BTG4: variants seen among roughly 807,000 people sequenced by gnomAD.
The protein encoded by BTG4 is BTG anti-proliferation factor 4.
Under a neutral mutation model 19.3 loss-of-function variants are expected in BTG4, and 10 were observed. The ratio of observed to expected loss-of-function variants is 0.52; its 90% CI spans 0.32 to 0.88. The LOEUF (loss-of-function observed/expected upper bound fraction) is 0.88, where lower values mean the gene tolerates loss of function less well. Ranked by LOEUF, BTG4 falls within the 40% of genes least tolerant of loss-of-function variation. The probability of loss-of-function intolerance (pLI) is 0.04; values close to 1 mark genes in which losing one functional copy is unlikely to be tolerated. For synonymous variants in BTG4, 91 were observed against 95.7 expected (o/e 0.95, Z 0.29); for missense variants, 238 against 281.9 (o/e 0.84, Z 1.11).
the BTG4 span, among the ~76,000 whole-genome samples, chr11:111,387,807 A>T: frequency 1.3e-5 from 2 of 152,154 alleles, no homozygotes; most frequent in South Asian, 4.1e-4. Context: ...TTGGGGGAAA[A>T]ATAGTCTTTG....
chr11:111,407,173 A>C, the BTG4 span, among the ~76,000 whole-genome samples: 2 of 148,460 alleles, frequency 1.3e-5, no homozygotes, highest in African/African-American at 4.9e-5. Context: ...CTATAATACT[A>C]TGTAGTATAT....
At chr11:111,400,414 C>T in the BTG4 span, among the ~76,000 whole-genome samples, 1 of 152,226 alleles carries the variant, frequency 6.6e-6, no homozygotes, top group Admixed American at 6.5e-5. Flanking sequence ...CATCTCTCTC[C>T]TTCCCTCCCT....
chr11:111,460,016 C>A, the BTG4 span, among the ~76,000 whole-genome samples: 2 of 152,168 alleles, frequency 1.3e-5, no homozygotes, highest in Admixed American at 1.3e-4. Context: ...CTTTCAAAGA[C>A]CAGCACTTCA....
the BTG4 span, among the ~76,000 whole-genome samples, chr11:111,412,748 G>A: frequency 6.6e-6 from 1 of 152,132 alleles, no homozygotes; most frequent in Non-Finnish European, 1.5e-5. Context: ...CTAGCAAATA[G>A]CAACACCTAC....
the BTG4 span, among the ~76,000 whole-genome samples, chr11:111,439,669 A>C: frequency 4.0e-5 from 6 of 151,504 alleles, no homozygotes; most frequent in Non-Finnish European, 7.4e-5. Context: ...GTTTCTGCAC[A>C]CTTTGCCTCA....
At chr11:111,447,686 T>A in the BTG4 span, among the ~76,000 whole-genome samples, 1 of 152,124 alleles carries the variant, frequency 6.6e-6, no homozygotes, top group Non-Finnish European at 1.5e-5. Context: ...AGAGGAAGGT[T>A]CCCGGAAGAC....
At chr11:111,451,381 G>A in the BTG4 span, 20 of 452,666 alleles carry the variant, frequency 4.4e-5, no homozygotes, top group East Asian at 7.0e-5. Flanking sequence ...TATGTCTTTC[G>A]TCTGAGCAGC....
At chr11:111,398,396 C>G in the BTG4 span, among the ~76,000 whole-genome samples, 1 of 152,196 alleles carries the variant, frequency 6.6e-6, no homozygotes, top group East Asian at 1.9e-4. Context: ...GATTGCTAGG[C>G]CTCACCTCCA....
At chr11:111,459,059 T>C in the BTG4 span, among the ~76,000 whole-genome samples, 2 of 152,104 alleles carry the variant, frequency 1.3e-5, no homozygotes, top group African/African-American at 2.4e-5. Context: ...TTGATCAATA[T>C]GGTGAAACCC....
chr11:111,491,734 CA>C (rs5794751), downstream of BTG4, among the ~76,000 whole-genome samples: 127 of 99,900 alleles, frequency 1.3e-3, no homozygotes, highest in Middle Eastern at 5.0e-3. Context: ...GACCTGATCT[CA>C]AAAAAAAAAA....
At chr11:111,467,544 T>G (rs1863793198) in exon 6 of BTG4, 9 of 622,598 alleles carry the variant, frequency 1.4e-5, no homozygotes. Context: ...GTTTTGTTTT[T>G]TATTCTTTTC....
chr11:111,485,589 G>A (rs1473893196), intron 5 of BTG4, among the ~76,000 whole-genome samples: 4 of 152,116 alleles, frequency 2.6e-5, no homozygotes, highest in African/African-American at 9.7e-5. Flanking sequence ...ATGGAATACA[G>A]CAAAAGCAGT....
the BTG4 span, among the ~76,000 whole-genome samples, chr11:111,394,802 G>A: frequency 7.2e-4 from 109 of 152,284 alleles, no homozygotes; most frequent in African/African-American, 2.5e-3. Context: ...ATCATCATCT[G>A]GTGATAAAAA....
chr11:111,489,815 T>C (rs1029157109), downstream of BTG4, among the ~76,000 whole-genome samples: 1 of 151,160 alleles, frequency 6.6e-6, no homozygotes, highest in Admixed American at 6.6e-5. Context: ...CCCATGGAAA[T>C]AGAGTAGAAT....
intron 5 of BTG4, chr11:111,469,247 G>C (rs1863910736): frequency 6.6e-6 from 1 of 152,280 alleles, no homozygotes; most frequent in Non-Finnish European, 1.5e-5. Context: ...GCCTCTGTGG[G>C]AAGCTTTGTT....
the BTG4 span, among the ~76,000 whole-genome samples, chr11:111,392,370 G>C: frequency 6.6e-6 from 1 of 151,728 alleles, no homozygotes; most frequent in Non-Finnish European, 1.5e-5. Flanking sequence ...GTAGAGATGG[G>C]GTTTCACCGT....
chr11:111,495,205 T>G lies in BTG4; in HGVS notation c.620A>C (p.Lys207Thr). 6.2e-7 allele frequency: 1 copy of G among 1,612,404 alleles called. No individual in the cohort carries two copies. Among genetic ancestry groups the G allele is most frequent in the Admixed American group, 1.7e-5 (1 of 59,662 alleles). The change falls in exon 5 of 5, where the codon AAG (lysine) becomes ACG (threonine). Residue 207 changes from lysine (K) to threonine (T), a missense_variant. Coordinates refer to ENST00000692032, the MANE Select transcript of BTG4 (RefSeq NM_001367975.1). ...LLGNTYHGSQ[K>T]HPKCYRPAMH... ...AGCAGGCCTGTAACACTTAGGATGC[T>G]TCTGCGAGCCATGGTAAGTGTTTCC... is the stretch of plus-strand genomic sequence containing the variant.
At chr11:111,486,973 C>T (rs768813906) in intron 5 of BTG4, among the ~76,000 whole-genome samples, 59 of 151,998 alleles carry the variant, frequency 3.9e-4, no homozygotes, top group Non-Finnish European at 6.8e-4. Context: ...CTCTCCCTCC[C>T]CCCGCCTCCT....
At chr11:111,509,610 C>T (rs1327098635) in intron 1 of BTG4, among the ~76,000 whole-genome samples, 2 of 151,780 alleles carry the variant, frequency 1.3e-5, no homozygotes, top group East Asian at 1.9e-4. Flanking sequence ...GCAAAAGAAT[C>T]GCTTGAACCT....
Sources: gnomAD v4.1 joint callset for allele counts (sites outside exome capture counted in the v4.1 genomes callset) on GRCh38, gnomAD v4.1.1 for gene constraint, MANE v1.5 for transcripts, NCBI Gene and HGNC (gene_info 2026-07-23, HGNC 2026-07-21) for gene names.